IL23R: variants seen among roughly 807,000 people sequenced by gnomAD.
The protein encoded by IL23R is interleukin 23 receptor.
A neutral mutation model predicts 56.9 loss-of-function variants in IL23R; 34 were observed. That is an observed-to-expected ratio of 0.60 (90% CI 0.45 to 0.80). The LOEUF is 0.80. IL23R is among the 30% of genes least tolerant of loss of function. The pLI is 0.00. For synonymous variants in IL23R, 230 were observed against 249.2 expected (o/e 0.92, Z 0.73); for missense variants, 635 against 730.0 (o/e 0.87, Z 1.50).
chr1:67,150,378 C>G (rs1646717497), intron 1 of IL23R, among the ~76,000 whole-genome samples: 1 of 150,524 alleles, frequency 6.6e-6, no homozygotes, highest in African/African-American at 2.4e-5. Context: ...AGATTTTAAG[C>G]CCTGCATGCA....
intron 1 of IL23R, among the ~76,000 whole-genome samples, chr1:67,151,098 G>A (rs571762435): frequency 5.9e-4 from 90 of 152,138 alleles, no homozygotes; most frequent in African/African-American, 1.3e-3. Flanking sequence ...CTATTTCTCC[G>A]CAGCCTCACC....
At chr1:67,164,676 T>C (rs1330322226), upstream of IL23R, among the ~76,000 whole-genome samples, 5 of 133,814 alleles carry the variant, frequency 3.7e-5, no homozygotes, top group African/African-American at 1.5e-4. Flanking sequence ...TAAAATAAAA[T>C]AAAACAAAAA....
At chr1:67,140,350 T>C (rs1646625260) in intron 1 of IL23R, among the ~76,000 whole-genome samples, 1 of 152,156 alleles carries the variant, frequency 6.6e-6, no homozygotes, top group African/African-American at 2.4e-5. Flanking sequence ...ACAAAGAGTA[T>C]CTTAAAATTT....
At position 67,174,510 on chromosome 1, in the gene IL23R, A is replaced by T. The variant is rs527404006; in HGVS notation, c.367+4872A>T. ...AATCTTTGGATGTAACTTCAGACGCATAAATGTCTGTATTTTCATTCTTTA... is the reference window on the plus strand; with the variant it reads ...AATCTTTGGATGTAACTTCAGACGCTTAAATGTCTGTATTTTCATTCTTTA... On this transcript the variant is annotated intron_variant, in intron 3 of 10. Transcript: ENST00000347310. 1.2e-4 allele frequency among the ~76,000 whole-genome samples: 18 copies of T among 152,188 alleles called. No homozygotes were observed. The East Asian group carries it at 3.5e-3, about 29-fold the overall frequency.
intron 1 of IL23R, among the ~76,000 whole-genome samples, chr1:67,153,367 G>C (rs765807332): frequency 4.0e-5 from 6 of 151,750 alleles, no homozygotes; most frequent in Non-Finnish European, 7.4e-5. Flanking sequence ...GCTAGCTAGC[G>C]GTCTATTTTG....
intron 1 of IL23R, among the ~76,000 whole-genome samples, chr1:67,150,198 C>A (rs1646715245): frequency 6.8e-6 from 1 of 147,236 alleles, no homozygotes. Context: ...ATTCCAGGTT[C>A]ATATGACCCA....
chr1:67,234,858 C>T (rs1358925229), intron 7 of IL23R, among the ~76,000 whole-genome samples: 1 of 151,926 alleles, frequency 6.6e-6, no homozygotes, highest in Non-Finnish European at 1.5e-5. Flanking sequence ...TAGGCACCTG[C>T]CACCATGCCT....
At chr1:67,245,146 T>C (rs762600631) in intron 9 of IL23R, among the ~76,000 whole-genome samples, 3 of 152,212 alleles carry the variant, frequency 2.0e-5, no homozygotes, top group Non-Finnish European at 4.4e-5. Flanking sequence ...TGCTTCTGAT[T>C]TTTGCACATT....
At chr1:67,230,936 A>G (rs1651061428) in intron 7 of IL23R, among the ~76,000 whole-genome samples, 1 of 152,228 alleles carries the variant, frequency 6.6e-6, no homozygotes, top group Non-Finnish European at 1.5e-5. Context: ...GCTGTGAAAC[A>G]GCTGAATTAT....
chr1:67,155,278 T>C (rs1646761992), intron 1 of IL23R, among the ~76,000 whole-genome samples: 1 of 152,194 alleles, frequency 6.6e-6, no homozygotes. Context: ...TGGGGATTGA[T>C]CTTCTCATGG....
upstream of IL23R, among the ~76,000 whole-genome samples, chr1:67,166,014 G>A (rs1444013687): frequency 2.0e-5 from 3 of 152,096 alleles, no homozygotes; most frequent in Admixed American, 2.0e-4. Flanking sequence ...TAACTTGATT[G>A]TATAATAACT....
chr1:67,151,717 C>A (rs1216666640), intron 1 of IL23R, among the ~76,000 whole-genome samples: 1 of 152,104 alleles, frequency 6.6e-6, no homozygotes, highest in African/African-American at 2.4e-5. Context: ...AATCCTTTCC[C>A]CATTGCTTAT....
chr1:67,242,432 G>T (rs1651914761), intron 9 of IL23R, among the ~76,000 whole-genome samples: 1 of 151,830 alleles, frequency 6.6e-6, no homozygotes, highest in Non-Finnish European at 1.5e-5. Flanking sequence ...GCATAAGCAA[G>T]AAAAAAAATA....
chr1:67,185,590 C>T (rs1159748336), intron 4 of IL23R, among the ~76,000 whole-genome samples: 1 of 152,084 alleles, frequency 6.6e-6, no homozygotes, highest in East Asian at 1.9e-4. Context: ...AGAGAATAAC[C>T]TAATCTTGCT....
intron 4 of IL23R, among the ~76,000 whole-genome samples, chr1:67,198,057 T>C (rs1009522281): frequency 5.3e-5 from 8 of 151,966 alleles, no homozygotes; most frequent in Admixed American, 2.0e-4. Flanking sequence ...GTGAACAAGA[T>C]AGAGGGAGGG....
downstream of IL23R, among the ~76,000 whole-genome samples, chr1:67,260,612 A>G (rs1296663213): frequency 6.6e-6 from 1 of 152,190 alleles, no homozygotes; most frequent in African/African-American, 2.4e-5. Flanking sequence ...CAATGATGTC[A>G]ATATGGAAAA....
chr1:67,241,866 G>T (rs1651874455), intron 9 of IL23R, among the ~76,000 whole-genome samples: 1 of 152,124 alleles, frequency 6.6e-6, no homozygotes, highest in African/African-American at 2.4e-5. Context: ...TGAGCTACAT[G>T]AAGAGTCTAC....
rs752668412 is a variant in IL23R at position 67,168,092 on chromosome 1, A to G, written c.-29A>G. The G allele has an allele frequency of 6.7e-7, 1 of 1,498,338 alleles. No individual in the cohort carries two copies. The allele number at this position is 1,498,338 out of a possible 1,614,324, so 92.8% of individuals were successfully genotyped here. A position where few individuals can be genotyped will look rare whatever the true frequency, so the allele number is the denominator to read the frequency against. ...AACATTTTTCATATTTTTTTTCCAG[A>G]GGGAAACAGTCTTTTCCTGCTTCCA... On this transcript the variant is annotated splice_region_variant and 5_prime_UTR_variant, in exon 2 of 11. Transcript: ENST00000347310.
chr1:67,213,156 G>A (rs1442164012), intron 6 of IL23R, among the ~76,000 whole-genome samples: 1 of 152,088 alleles, frequency 6.6e-6, no homozygotes, highest in Non-Finnish European at 1.5e-5. Context: ...CACTGCGCCC[G>A]GCCTAGTCAT....
Sources: gnomAD v4.1 joint callset for allele counts (sites outside exome capture counted in the v4.1 genomes callset) on GRCh38, gnomAD v4.1.1 for gene constraint, MANE v1.5 for transcripts, NCBI Gene and HGNC (gene_info 2026-07-23, HGNC 2026-07-21) for gene names.